Variants in RUNX1 observed in about 807,000 individuals in gnomAD.
RUNX1 encodes runt-related transcription factor 1.
RUNX1 carries 19 observed loss-of-function variants against 42.8 expected under a neutral mutation model. That is an observed-to-expected ratio of 0.44 (90% CI 0.31 to 0.65). The LOEUF (loss-of-function observed/expected upper bound fraction) is 0.65. Ranked by LOEUF, RUNX1 falls within the 30% of genes least tolerant of loss-of-function variation. The pLI is 0.07. For synonymous variants in RUNX1, 271 were observed against 289.4 expected, an observed-to-expected ratio of 0.94 and a Z score of 0.64; for missense variants, 528 against 672.0, an observed-to-expected ratio of 0.79 and a Z score of 2.37.
intron 6 of RUNX1, among the ~76,000 whole-genome samples, chr21:34,847,013 G>A (rs968374711): frequency 2.0e-5 from 3 of 152,122 alleles, no homozygotes; most frequent in Non-Finnish European, 2.9e-5. Flanking sequence ...AATCTCAGGC[G>A]AGCAGCATAT....
chr21:34,811,480 A>G (rs2056757748), intron 7 of RUNX1, among the ~76,000 whole-genome samples: 1 of 152,190 alleles, frequency 6.6e-6, no homozygotes, highest in South Asian at 2.1e-4. Context: ...CCCTGTGGGA[A>G]TGCTTCATGT....
chr21:34,870,671 A>G (rs1321835739), intron 5 of RUNX1, among the ~76,000 whole-genome samples: 1 of 152,222 alleles, frequency 6.6e-6, no homozygotes. Context: ...ACATCAAAAC[A>G]GTCCTGGGCC....
intron 7 of RUNX1, chr21:34,821,233 T>C (rs2056903574): frequency 9.6e-7 from 1 of 1,044,524 alleles, no homozygotes; most frequent in Admixed American, 5.3e-5. Flanking sequence ...TACAACTAAC[T>C]GGTGATACAA....
At chr21:34,946,926 T>G (rs1384928775) in intron 2 of RUNX1, among the ~76,000 whole-genome samples, 1 of 152,246 alleles carries the variant, frequency 6.6e-6, no homozygotes, top group South Asian at 2.1e-4. Flanking sequence ...TGCATCCCAC[T>G]AGGTCCTCCC....
At chr21:34,869,475 C>A (rs578029717) in intron 5 of RUNX1, among the ~76,000 whole-genome samples, 1 of 152,012 alleles carries the variant, frequency 6.6e-6, no homozygotes, top group Non-Finnish European at 1.5e-5. Flanking sequence ...GTCATCATTA[C>A]GAATCAAAGG....
At chr21:34,992,129 GCACC>G (rs1007921150) in intron 2 of RUNX1, among the ~76,000 whole-genome samples, 4 of 152,238 alleles carry the variant, frequency 2.6e-5, no homozygotes, top group African/African-American at 4.8e-5. Context: ...GGAAAGTAAC[GCACC>G]CCCTCTCAGG....
chr21:34,936,962 A>G (rs2058490511), intron 2 of RUNX1, among the ~76,000 whole-genome samples: 1 of 152,174 alleles, frequency 6.6e-6, no homozygotes, highest in African/African-American at 2.4e-5. Flanking sequence ...GGCTTTTTAA[A>G]AAGTATTTAT....
At chr21:34,944,877 A>T (rs1237449908) in intron 2 of RUNX1, among the ~76,000 whole-genome samples, 1 of 152,256 alleles carries the variant, frequency 6.6e-6, no homozygotes, top group African/African-American at 2.4e-5. Flanking sequence ...CTCTGAATGA[A>T]TTGCTTGTTT....
intron 7 of RUNX1, among the ~76,000 whole-genome samples, chr21:34,811,243 A>G (rs751406648): frequency 5.3e-5 from 8 of 152,226 alleles, no homozygotes; most frequent in Non-Finnish European, 1.2e-4. Context: ...AGAATTCCCC[A>G]AGTGGAAGTG....
At chr21:34,923,898 A>AT (rs2058373055) in intron 2 of RUNX1, among the ~76,000 whole-genome samples, 1 of 118,802 alleles carries the variant, frequency 8.4e-6, no homozygotes, top group Non-Finnish European at 1.7e-5. Context: ...TCGCGTTAAA[A>AT]TCTGAACACA....
intron 2 of RUNX1, among the ~76,000 whole-genome samples, chr21:35,031,058 TTA>T (rs1453411821): frequency 6.6e-6 from 1 of 152,088 alleles, no homozygotes; most frequent in African/African-American, 2.4e-5. Flanking sequence ...TATCAAAAAG[TTA>T]AGAGATGGCC....
intron 2 of RUNX1, among the ~76,000 whole-genome samples, chr21:34,957,560 A>G (rs150820060): frequency 4.6e-5 from 7 of 152,248 alleles, no homozygotes; most frequent in African/African-American, 1.4e-4. Flanking sequence ...TCCCACTTGG[A>G]GTTTGGCCTG....
At chr21:35,043,627 G>A (rs977981357) in intron 2 of RUNX1, among the ~76,000 whole-genome samples, 1 of 152,162 alleles carries the variant, frequency 6.6e-6, no homozygotes, top group Non-Finnish European at 1.5e-5. Context: ...CAGGAACTTG[G>A]TAATTTAGAT....
rs147380208 is a variant in RUNX1, at chr21:34,947,960, C to T, written c.59-54997G>A. On this transcript the variant is annotated intron_variant, in intron 2 of 8. Coordinates refer to ENST00000675419, the MANE Select transcript of RUNX1 (RefSeq NM_001754.5). ...GAGGACATTTCACCTTCTTTGCTCT[C>T]GTCCAAGCCTTAGACCCCAGCACCC... Among the ~76,000 whole-genome samples, 1,130 of 152,232 alleles carry T rather than the reference C, an allele frequency of 7.4e-3. 12 individuals are homozygous for T. The highest frequency in any genetic ancestry group is 0.026 in the African/African-American group (1,067 of 41,524).
intron 6 of RUNX1, among the ~76,000 whole-genome samples, chr21:34,841,055 C>T (rs1250468674): frequency 1.3e-5 from 2 of 152,204 alleles, no homozygotes; most frequent in Non-Finnish European, 2.9e-5. Flanking sequence ...CTCTGCGGAA[C>T]ACTCATCCAG....
At chr21:35,000,970 T>C (rs888411787) in intron 2 of RUNX1, among the ~76,000 whole-genome samples, 1 of 152,204 alleles carries the variant, frequency 6.6e-6, no homozygotes, top group Non-Finnish European at 1.5e-5. Flanking sequence ...CTTTTGGTCT[T>C]TCCCTCCAAA....
intron 2 of RUNX1, among the ~76,000 whole-genome samples, chr21:34,947,791 C>T (rs2058575225): frequency 1.3e-5 from 2 of 152,246 alleles, no homozygotes; most frequent in South Asian, 2.1e-4. Context: ...TACGAACCCA[C>T]TCCTAACTTC....
chr21:34,797,995 G>A (rs1240097827), intron 8 of RUNX1: 2 of 456,410 alleles, frequency 4.4e-6, no homozygotes, highest in African/African-American at 4.0e-5. Context: ...GGCCCCAAAT[G>A]TCAATAGTAC....
Position 34,893,771 on chromosome 21 carries a change from T to G in RUNX1, c.59-808A>C, listed in dbSNP as rs577778754. Among the ~76,000 whole-genome samples the G allele has an allele frequency of 4.0e-4, 32 of 80,048 alleles. No homozygotes were observed. The South Asian group carries it at 8.9e-3, about 22-fold the overall frequency. The allele number at this position is 80,048 out of a possible 152,430, so 52.5% of individuals were successfully genotyped here. A position where few individuals can be genotyped will look rare whatever the true frequency, so the allele number is the denominator to read the frequency against. ...CCATGCCACAATATTTAGTATGCTG[T>G]TTTTTTTTTTTTAAAAAAAAACCTT... On this transcript the variant is annotated intron_variant, in intron 2 of 8. Coordinates refer to ENST00000675419, the MANE Select transcript of RUNX1 (RefSeq NM_001754.5).
Sources: allele counts gnomAD v4.1 joint callset (sites outside exome capture counted in the v4.1 genomes callset), GRCh38; gene constraint gnomAD v4.1.1; transcripts MANE v1.5; gene names NCBI Gene and HGNC (gene_info 2026-07-23, HGNC 2026-07-21).